LTBP1: variants seen among roughly 807,000 people sequenced by gnomAD.
LTBP1 encodes latent-transforming growth factor beta-binding protein 1.
A neutral mutation model predicts 207.6 loss-of-function variants in LTBP1; 129 were observed. The ratio of observed to expected loss-of-function variants is 0.62; its 90% confidence interval spans 0.54 to 0.72. The LOEUF (loss-of-function observed/expected upper bound fraction) is 0.72. Ranked by LOEUF, LTBP1 falls within the 30% of genes least tolerant of loss-of-function variation. The pLI is 0.00. For synonymous variants in LTBP1, 963 were observed against 833.7 expected (o/e 1.16, Z -2.67); for missense variants, 2,281 against 2,217.2 (o/e 1.03, Z -0.58).
At chr2:33,006,108 A>G (rs1002680819) in intron 2 of LTBP1, among the ~76,000 whole-genome samples, 1 of 152,068 alleles carries the variant, frequency 6.6e-6, no homozygotes, top group Non-Finnish European at 1.5e-5. Flanking sequence ...CAGTACTAGG[A>G]ATACATAGTA....
At position 33,363,375 on chromosome 2, in the gene LTBP1, T is replaced by A; in HGVS notation, c.4271-15T>A. On this transcript the variant is annotated splice_polypyrimidine_tract_variant and intron_variant, in intron 28 of 33. Coordinates refer to ENST00000404816, the MANE Select transcript of LTBP1 (RefSeq NM_206943.4). ...CCTAACTCCTTTTTGTATTTCTCAATTTTTTTCCCCGTAGATGCAGATGAA... is the reference window on the plus strand; with the variant it reads ...CCTAACTCCTTTTTGTATTTCTCAAATTTTTTCCCCGTAGATGCAGATGAA... 1.2e-6 allele frequency: 2 copies of A among 1,610,788 alleles called. No homozygotes were observed. Among genetic ancestry groups the A allele is most frequent in the Non-Finnish European group, 8.5e-7 (1 of 1,177,952 alleles).
chr2:33,150,796 G>T (rs1207023613), intron 5 of LTBP1, among the ~76,000 whole-genome samples: 1 of 146,110 alleles, frequency 6.8e-6, no homozygotes, highest in Non-Finnish European at 1.5e-5. Context: ...CACCTGGGAG[G>T]CGGAGGTTGG....
chr2:33,028,513 C>G (rs1191663398), intron 3 of LTBP1, among the ~76,000 whole-genome samples: 3 of 152,104 alleles, frequency 2.0e-5, no homozygotes, highest in Non-Finnish European at 4.4e-5. Flanking sequence ...ACTAAAAATA[C>G]AAAAATTAGC....
At chr2:33,334,803 G>A (rs562795242) in intron 24 of LTBP1, among the ~76,000 whole-genome samples, 56 of 151,898 alleles carry the variant, frequency 3.7e-4, no homozygotes, top group Admixed American at 6.6e-4. Context: ...GGGCATGGTG[G>A]CTCATATCTG....
At chr2:32,959,016 GC>G (rs1678557568) in intron 2 of LTBP1, among the ~76,000 whole-genome samples, 1 of 152,196 alleles carries the variant, frequency 6.6e-6, no homozygotes, top group Non-Finnish European at 1.5e-5. Context: ...CCCAAATACT[GC>G]TCTTGGCCAA....
At chr2:33,396,721 G>A (rs589403) in intron 32 of LTBP1, among the ~76,000 whole-genome samples, 15,286 of 152,154 alleles carry the variant, frequency 0.1, 860 homozygotes, top group Non-Finnish European at 0.13. Context: ...ACACTCTTAC[G>A]GACCTTCTTA....
At chr2:33,203,167 A>G (rs1185504133) in intron 7 of LTBP1, among the ~76,000 whole-genome samples, 1 of 152,236 alleles carries the variant, frequency 6.6e-6, no homozygotes, top group Non-Finnish European at 1.5e-5. Flanking sequence ...TGTCCTACAC[A>G]TCTCACTGAT....
rs61754247 is a variant in LTBP1 at position 33,280,135 on chromosome 2, G to A, written c.3089G>A (p.Arg1030Gln). The A allele has an allele frequency of 4.4e-3, 7,115 of 1,614,080 alleles. 66 individuals carry two copies. The highest frequency in any genetic ancestry group is 0.025 in the South Asian group (2,277 of 91,070). Reference sequence around the variant, plus strand: ...TGCGTTCCCTGCACAGAAGGATTCCGAGGCTGGAATGGACAGTGCCTTGGT... The same window carrying A: ...TGCGTTCCCTGCACAGAAGGATTCCAAGGCTGGAATGGACAGTGCCTTGGT... ...YQCVPCTEGF[R>Q]GWNGQCLDVD... The change falls in exon 19 of 34, where the codon CGA becomes CAA. Residue 1030 changes from arginine to glutamine, a missense_variant. Coordinates refer to ENST00000404816, the MANE Select transcript of LTBP1 (RefSeq NM_206943.4).
At chr2:33,244,448 A>G (rs1347807560) in intron 10 of LTBP1, among the ~76,000 whole-genome samples, 2 of 152,218 alleles carry the variant, frequency 1.3e-5, no homozygotes, top group African/African-American at 4.8e-5. Context: ...ACATGTTCTA[A>G]TATTGGTTCT....
intron 7 of LTBP1, among the ~76,000 whole-genome samples, chr2:33,200,293 A>G (rs1217014483): frequency 6.6e-6 from 1 of 152,220 alleles, no homozygotes; most frequent in Non-Finnish European, 1.5e-5. Context: ...AATCAATGCA[A>G]CAGAACAGAG....
At chr2:33,318,756 CTT>C (rs972172404) in intron 24 of LTBP1, among the ~76,000 whole-genome samples, 2 of 152,170 alleles carry the variant, frequency 1.3e-5, no homozygotes, top group African/African-American at 4.8e-5. Context: ...ACAAAGGAAA[CTT>C]TTTCTTTCAC....
intron 8 of LTBP1, among the ~76,000 whole-genome samples, chr2:33,221,173 T>C (rs2149417478): frequency 6.6e-6 from 1 of 152,316 alleles, no homozygotes; most frequent in Admixed American, 6.5e-5. Flanking sequence ...TTTGACACTT[T>C]GGGAGTGCTT....
chr2:33,254,969 C>A (rs1296778636), intron 11 of LTBP1, among the ~76,000 whole-genome samples: 1 of 137,518 alleles, frequency 7.3e-6, no homozygotes, highest in East Asian at 2.3e-4. Context: ...GGTACATGTG[C>A]ACATTGTGCA....
chr2:33,085,026 C>T (rs1242129194), intron 3 of LTBP1, among the ~76,000 whole-genome samples: 1 of 152,142 alleles, frequency 6.6e-6, no homozygotes, highest in Non-Finnish European at 1.5e-5. Context: ...CATGTGGGTT[C>T]TAAATCCAGT....
intron 2 of LTBP1, among the ~76,000 whole-genome samples, chr2:33,011,009 G>C (rs2149096797): frequency 6.6e-6 from 1 of 152,246 alleles, no homozygotes; most frequent in East Asian, 1.9e-4. Context: ...TGAGCCACCA[G>C]GCCCGGCCTA....
At chr2:32,973,971 C>T (rs367665544) in intron 2 of LTBP1, among the ~76,000 whole-genome samples, 4 of 152,128 alleles carry the variant, frequency 2.6e-5, no homozygotes, top group South Asian at 2.1e-4. Flanking sequence ...ATTGTGTACA[C>T]GTACCACATT....
chr2:33,166,087 T>C (rs1386005287), intron 5 of LTBP1, among the ~76,000 whole-genome samples: 4 of 151,766 alleles, frequency 2.6e-5, no homozygotes, highest in Non-Finnish European at 5.9e-5. Flanking sequence ...TTTTTTCTTG[T>C]TTGGATCAGA....
At chr2:33,367,623 G>A (rs2095008458) in intron 31 of LTBP1, among the ~76,000 whole-genome samples, 1 of 152,106 alleles carries the variant, frequency 6.6e-6, no homozygotes, top group Admixed American at 6.5e-5. Context: ...CTGCTTCTGA[G>A]TAATTTCAAT....
At chr2:33,208,972 A>G (rs553235261) in intron 7 of LTBP1, among the ~76,000 whole-genome samples, 2 of 150,424 alleles carry the variant, frequency 1.3e-5, no homozygotes, top group African/African-American at 4.9e-5. Context: ...GGTTCAAGCA[A>G]TTCTCCTGCC....
Sources: gnomAD v4.1 joint callset for allele counts (sites outside exome capture counted in the v4.1 genomes callset) on GRCh38, gnomAD v4.1.1 for gene constraint, MANE v1.5 for transcripts, NCBI Gene and HGNC (gene_info 2026-07-23, HGNC 2026-07-21) for gene names.